Variants in GPR107 observed in about 807,000 individuals in gnomAD.
GPR107 encodes the protein G protein-coupled receptor 107.
GPR107 carries 31 observed loss-of-function variants against 75.5 expected under a neutral mutation model. That is an observed-to-expected ratio of 0.41 (90% CI 0.31 to 0.55). The LOEUF (loss-of-function observed/expected upper bound fraction) is 0.55, where lower values mean the gene tolerates loss of function less well. GPR107 is among the 20% of genes least tolerant of loss of function. The pLI is 0.26. For missense variants in GPR107, 572 were observed against 665.7 expected (o/e 0.86, Z 1.55); for synonymous variants, 267 against 251.3 (o/e 1.06, Z -0.59).
At chr9:130,086,513 C>G (rs781278430) in intron 7 of GPR107, 37 bp downstream of exon 7, 7 of 1,198,012 alleles carry the variant, frequency 5.8e-6, no homozygotes, top group Non-Finnish European at 8.6e-6. Context: ...CCTAGAATTT[C>G]TCTCTACCAT....
chr9:130,097,155 C>CT (rs71387312), intron 9 of GPR107, among the ~76,000 whole-genome samples: 83,595 of 129,488 alleles, frequency 0.65, 27,968 homozygotes, highest in East Asian at 0.91. Context: ...TCTTTTTTTT[C>CT]TTTTTTTTTT....
At chr9:130,068,318 G>A (rs1057007062) in intron 1 of GPR107, among the ~76,000 whole-genome samples, 14 of 152,122 alleles carry the variant, frequency 9.2e-5, no homozygotes, top group African/African-American at 2.7e-4. Flanking sequence ...GTACTGGAAC[G>A]TGGCCTACAA....
intron 14 of GPR107, among the ~76,000 whole-genome samples, chr9:130,121,925 C>T (rs537468549): frequency 4.6e-5 from 7 of 151,720 alleles, no homozygotes; most frequent in Admixed American, 4.6e-4. Context: ...GAGTCTCGCT[C>T]TGTCACCCAG....
chr9:130,077,922 T>C (rs955949639), intron 4 of GPR107, among the ~76,000 whole-genome samples: 1 of 152,116 alleles, frequency 6.6e-6, no homozygotes, highest in Admixed American at 6.6e-5. Flanking sequence ...TCCCAGCCCT[T>C]TGGGAGGCCG....
At chr9:130,130,523 C>T (rs931167528) in intron 17 of GPR107, among the ~76,000 whole-genome samples, 5 of 152,180 alleles carry the variant, frequency 3.3e-5, no homozygotes, top group South Asian at 2.1e-4. Context: ...ATAGACTTGT[C>T]TCTTCACCAG....
chr9:130,134,298 T>C (rs1001002341), intron 17 of GPR107, among the ~76,000 whole-genome samples: 4 of 152,216 alleles, frequency 2.6e-5, no homozygotes, highest in Admixed American at 6.5e-5. Flanking sequence ...TTCCTTCTAA[T>C]GGAAAGGGCT....
chr9:130,085,966 G>T (rs1830606898), intron 6 of GPR107, among the ~76,000 whole-genome samples: 1 of 151,972 alleles, frequency 6.6e-6, no homozygotes, highest in Admixed American at 6.6e-5. Flanking sequence ...GGCCAGGCTG[G>T]TCTTGAACTC....
rs533977398 is a variant in GPR107, at chr9:130,064,398, C to T, written c.141+10325C>T. 3.3e-5 allele frequency among the ~76,000 whole-genome samples: 5 copies of T among 150,338 alleles called. No homozygotes were observed. The East Asian group carries it at 7.9e-4, about 24-fold the overall frequency. ...ATTTTTTTTAGTAGAGACGGGGTTT[C>T]ACCTTGTTAGCCAGGATGGTCTCGA... is the stretch of plus-strand genomic sequence containing the variant. On this transcript the variant is annotated intron_variant, in intron 1 of 17. Coordinates refer to ENST00000347136, the MANE Select transcript of GPR107 (RefSeq NM_020960.5).
chr9:130,125,525 C>T (rs1831654258), intron 15 of GPR107, among the ~76,000 whole-genome samples: 1 of 151,590 alleles, frequency 6.6e-6, no homozygotes, highest in Non-Finnish European at 1.5e-5. Context: ...CAGGTGTAGG[C>T]CACCATGCCT....
At chr9:130,122,270 G>A (rs1039599868) in intron 14 of GPR107, among the ~76,000 whole-genome samples, 2 of 152,130 alleles carry the variant, frequency 1.3e-5, no homozygotes, top group South Asian at 4.1e-4. Flanking sequence ...TGTTCATGTT[G>A]AAGAGGTGTT....
chr9:130,097,870 C>T (rs912876184), intron 9 of GPR107, among the ~76,000 whole-genome samples: 1 of 151,892 alleles, frequency 6.6e-6, no homozygotes, highest in Non-Finnish European at 1.5e-5. Context: ...CCACTCCTGG[C>T]TTAATTTTTG....
intron 14 of GPR107, among the ~76,000 whole-genome samples, chr9:130,122,429 G>T (rs1312135694): frequency 4.6e-5 from 7 of 152,302 alleles, no homozygotes; most frequent in African/African-American, 1.7e-4. Flanking sequence ...CCCAGAGGGC[G>T]AAGGTTAAAA....
intron 8 of GPR107, 142 bp downstream of exon 8, chr9:130,091,125 C>A: frequency 1.6e-6 from 1 of 615,142 alleles, no homozygotes; most frequent in East Asian, 3.0e-5. Flanking sequence ...CAGGATACTT[C>A]AGCAGAGGAT....
At chr9:130,093,279 G>A (rs1414470213) in intron 9 of GPR107, among the ~76,000 whole-genome samples, 2 of 152,040 alleles carry the variant, frequency 1.3e-5, no homozygotes, top group Non-Finnish European at 2.9e-5. Context: ...CTGCATATGC[G>A]TGAATTCTTT....
chr9:130,072,463 C>T (rs950483434), intron 1 of GPR107, among the ~76,000 whole-genome samples: 1 of 151,906 alleles, frequency 6.6e-6, no homozygotes, highest in African/African-American at 2.4e-5. Context: ...TTGTGATCTG[C>T]CTGCCTCGGC....
intron 17 of GPR107, among the ~76,000 whole-genome samples, chr9:130,133,793 A>G (rs969595699): frequency 2.6e-5 from 4 of 152,238 alleles, no homozygotes; most frequent in Non-Finnish European, 5.9e-5. Flanking sequence ...GTGAGTCTAA[A>G]GGACTCGTTT....
intron 5 of GPR107, among the ~76,000 whole-genome samples, chr9:130,083,082 G>A (rs1468731310): frequency 6.6e-6 from 1 of 151,776 alleles, no homozygotes; most frequent in African/African-American, 2.4e-5. Flanking sequence ...CACCATGCCC[G>A]ACTAATTTTT....
chr9:130,086,213 G>GA (rs1830612470), intron 6 of GPR107, among the ~76,000 whole-genome samples: 1 of 152,192 alleles, frequency 6.6e-6, no homozygotes, highest in South Asian at 2.1e-4. Context: ...AGAGGCAGAA[G>GA]AGACAGGTGA....
chr9:130,117,934 C>T (rs1169792749), intron 14 of GPR107, among the ~76,000 whole-genome samples: 1 of 152,200 alleles, frequency 6.6e-6, no homozygotes, highest in Non-Finnish European at 1.5e-5. Flanking sequence ...CATCACCCAG[C>T]CTTTTGAGTC....
Sources: gnomAD v4.1 joint callset for allele counts (sites outside exome capture counted in the v4.1 genomes callset) on GRCh38, gnomAD v4.1.1 for gene constraint, MANE v1.5 for transcripts, NCBI Gene and HGNC (gene_info 2026-07-23, HGNC 2026-07-21) for gene names.